CHRNB1: variants seen among roughly 807,000 people sequenced by gnomAD.
The protein encoded by CHRNB1 is cholinergic receptor nicotinic beta 1 subunit.
CHRNB1 carries 47 observed loss-of-function variants against 53.8 expected under a neutral mutation model. The ratio of observed to expected loss-of-function variants is 0.87; its 90% CI spans 0.69 to 1.11. The LOEUF (loss-of-function observed/expected upper bound fraction) is 1.11. CHRNB1 is among the 50% of genes most tolerant of loss of function. CHRNB1 has a pLI of 0.00. For missense variants in CHRNB1, 605 were observed against 654.9 expected (o/e 0.92, Z 0.83); for synonymous variants, 259 against 263.5 (o/e 0.98, Z 0.16).
chr17:7,446,343 G>GTGTC, intron 3 of CHRNB1: 1 of 494,792 alleles, frequency 2.0e-6, no homozygotes, highest in Non-Finnish European at 3.7e-6. Context: ...GTGTGTGTGT[G>GTGTC]TGTGTGTGTG....
At position 7,456,928 on chromosome 17, in the gene CHRNB1, T is replaced by A. The variant is rs2069958611; in HGVS notation, c.*205T>A. Reference sequence around the variant, plus strand: ...ATGCAGTATCATCTGATTTACTCTTTGGGATCTTGAAGAAGCTCTTTTGGG... The same window carrying A: ...ATGCAGTATCATCTGATTTACTCTTAGGGATCTTGAAGAAGCTCTTTTGGG... On this transcript the variant is annotated 3_prime_UTR_variant, in exon 11 of 11. Transcript: ENST00000306071. 1 of 630,168 alleles carries A rather than the reference T, an allele frequency of 1.6e-6. No individual in the cohort carries two copies. Among genetic ancestry groups the A allele is most frequent in the South Asian group, 2.0e-5 (1 of 51,250 alleles). 39.0% of individuals were successfully genotyped at this position (630,168 alleles called of 1,614,324 possible).
Position 7,445,392 on chromosome 17 carries a change from G to A in CHRNB1, c.181G>A (p.Ala61Thr). ...RVRVSVGLIL[A>T]QLISLNEKDE... ...CAGGGTCAGCGTTGGTCTCATCCTG[G>A]CGCAACTCATCAGCCTGGTGAGGGC... The change falls in exon 2 of 11, where the codon GCG (alanine) becomes ACG (threonine). Residue 61 changes from alanine to threonine, a missense_variant. Physicochemically the swap from Ala to Thr is moderately conservative, Grantham distance 58 (BLOSUM62 0). Coordinates refer to ENST00000306071, the MANE Select transcript of CHRNB1 (RefSeq NM_000747.3). This position sits in a 1 kb window ranked among gnomAD's most constrained non-coding sequence, Gnocchi z 5.7. 6.2e-7 allele frequency: 1 copy of A among 1,612,272 alleles called. No individual in the cohort carries two copies. Among genetic ancestry groups the A allele is most frequent in the Non-Finnish European group, 8.5e-7 (1 of 1,179,684 alleles).
Position 7,448,581 on chromosome 17 carries a change from A to G in CHRNB1, c.613A>G (p.Asn205Asp), listed in dbSNP as rs1908755453. The change falls in exon 7 of 11, where the codon AAT (asparagine) becomes GAT (aspartate). Residue 205 changes from asparagine (N) to aspartate (D), a missense_variant and splice_region_variant. Coordinates refer to ENST00000306071, the MANE Select transcript of CHRNB1 (RefSeq NM_000747.3). ...IHIHEGTFIE[N>D]GQWEIIHKPS... is the part of the protein sequence containing the mutation. ...CCCCTCCTTCTGCTCATCCCCAGAG[A>G]ATGGCCAGTGGGAGATTATCCACAA... The G allele has an allele frequency of 1.9e-6, 3 of 1,614,048 alleles. No homozygotes were observed. Among genetic ancestry groups the G allele is most frequent in the Non-Finnish European group, 2.5e-6 (3 of 1,179,980 alleles).
chr17:7,454,009 C>T (rs555556774), intron 7 of CHRNB1, among the ~76,000 whole-genome samples: 3 of 152,200 alleles, frequency 2.0e-5, no homozygotes, highest in East Asian at 1.9e-4. Flanking sequence ...TTCAATGAGC[C>T]ATTATCATGC....
chr17:7,449,574 A>AT (rs1039141579), intron 7 of CHRNB1, among the ~76,000 whole-genome samples: 3 of 151,214 alleles, frequency 2.0e-5, no homozygotes, highest in African/African-American at 4.9e-5. Context: ...TGCCCAGCTG[A>AT]TTTTTTTGTA....
At chr17:7,448,124 G>A (rs1181336118) in intron 6 of CHRNB1, among the ~76,000 whole-genome samples, 4 of 130,368 alleles carry the variant, frequency 3.1e-5, no homozygotes, top group Non-Finnish European at 6.3e-5. Flanking sequence ...AGTGGCTCAC[G>A]ACTTAATCTC....
Position 7,445,136 on chromosome 17 carries a change from A to G in CHRNB1, c.9A>G (p.Pro3=), listed in dbSNP as rs1481997291. 6.2e-7 allele frequency: 1 copy of G among 1,608,890 alleles called. No homozygotes were observed. Among genetic ancestry groups the G allele is most frequent in the Admixed American group, 1.7e-5 (1 of 59,912 alleles). The part of the protein sequence containing the change: MT[P]GALLMLLGAL... ...GAGCGAGCCGCCAGGCTATGACCCC[A>G]GGGGCTCTGCTGATGCTGCTGGGGG... The change falls in exon 1 of 11, where the codon CCA becomes CCG. Residue 3 remains proline, a synonymous_variant. Transcript: ENST00000306071. The surrounding 1 kb of genome is among the most constrained non-coding windows in gnomAD (Gnocchi z 5.7).
intron 7 of CHRNB1, among the ~76,000 whole-genome samples, chr17:7,453,582 C>CTTTTT (rs71157287): frequency 1.0e-3 from 98 of 95,978 alleles, no homozygotes; most frequent in East Asian, 2.0e-3. Context: ...AAAAGCCTGT[C>CTTTTT]TTTTTTTTTT....
intron 7 of CHRNB1, among the ~76,000 whole-genome samples, chr17:7,453,803 G>A (rs1406213575): frequency 6.6e-6 from 1 of 151,350 alleles, no homozygotes; most frequent in African/African-American, 2.4e-5. Flanking sequence ...GCTCACGCCT[G>A]TAATCCCAAC....
At chr17:7,451,277 T>TC (rs1373937878) in intron 7 of CHRNB1, among the ~76,000 whole-genome samples, 1 of 134,948 alleles carries the variant, frequency 7.4e-6, no homozygotes, top group Non-Finnish European at 1.6e-5. Flanking sequence ...TTCTTTTCTT[T>TC]TTTTTTTTTT....
intron 7 of CHRNB1, among the ~76,000 whole-genome samples, chr17:7,453,269 C>G (rs904923525): frequency 9.9e-5 from 15 of 152,080 alleles, no homozygotes; most frequent in African/African-American, 3.6e-4. Context: ...AGGCACCCAC[C>G]ACCATGCCCA....
At chr17:7,452,099 A>G (rs1908912911) in intron 7 of CHRNB1, among the ~76,000 whole-genome samples, 1 of 145,826 alleles carries the variant, frequency 6.9e-6, no homozygotes, top group Non-Finnish European at 1.5e-5. Flanking sequence ...TCTGTCACCC[A>G]GGCTGGAGTG....
In CHRNB1 at chr17:7,456,754, C is replaced by T. The variant is rs75282248; in HGVS notation, c.*31C>T. The stretch of plus-strand genomic sequence containing the variant: ...GGAGGGTTGAGACCCAGGCCCCCTG[C>T]CAGTTGAAGTGAGAGTTTGGTGATA... On this transcript the variant is annotated 3_prime_UTR_variant, in exon 11 of 11. Coordinates refer to ENST00000306071, the MANE Select transcript of CHRNB1 (RefSeq NM_000747.3). The T allele has an allele frequency of 1.5e-3, 2,473 of 1,613,950 alleles. 4 individuals are homozygous for T. The highest frequency in any genetic ancestry group is 6.6e-3 in the Middle Eastern group (40 of 6,062).
chr17:7,452,502 T>A (rs763253494), intron 7 of CHRNB1, among the ~76,000 whole-genome samples: 7 of 152,144 alleles, frequency 4.6e-5, no homozygotes, highest in African/African-American at 9.7e-5. Flanking sequence ...GGTGGTGATG[T>A]AGGAGGTGGG....
Position 7,454,423 on chromosome 17 carries a change from T to C in CHRNB1, c.947T>C (p.Met316Thr), listed in dbSNP as rs763839239. The C allele has an allele frequency of 8.1e-6, 13 of 1,614,140 alleles. No individual in the cohort carries two copies. In the South Asian group the frequency reaches 1.3e-4, roughly 16 times the overall value. The change falls in exon 8 of 11, where the codon ATG becomes ACG. Residue 316 changes from methionine to threonine, a missense_variant. By Grantham distance (81) the Met-to-Thr change is moderately conservative. Transcript: ENST00000306071. The part of the protein sequence containing the change: ...PIIIKYLMFT[M>T]VLVTFSVILS... ...ATTATCAAGTACCTCATGTTTACCATGGTCCTCGTCACCTTCTCAGTCATC... is the reference window on the plus strand; with the variant it reads ...ATTATCAAGTACCTCATGTTTACCACGGTCCTCGTCACCTTCTCAGTCATC...
At position 7,445,559 on chromosome 17, in the gene CHRNB1, C is replaced by T; in HGVS notation, c.198+150C>T. The T allele has an allele frequency of 6.7e-7, 1 of 1,503,290 alleles. No individual in the cohort carries two copies. The allele number at this position is 1,503,290 out of a possible 1,614,324, so 93.1% of individuals were successfully genotyped here. A position where few individuals can be genotyped will look rare whatever the true frequency, so the allele number is the denominator to read the frequency against. On this transcript the variant is annotated intron_variant, in intron 2 of 10. Transcript: ENST00000306071. The surrounding 1 kb of genome is among the most constrained non-coding windows in gnomAD (Gnocchi z 5.7). ...CCTTTGGTGAAGATTGGATCGAAAT[C>T]AGACCAATGGACAAGCTCTGGCCGT...
Position 7,449,402 on chromosome 17 carries a change from CTT to C in CHRNB1, c.820+636_820+637del, listed in dbSNP as rs769505757. ...ACAGTCGTGAGCCACAGGGCCCGAC[CTT>C]TTTTTTTTTTTTTTTTTTTTTGAGA... On this transcript the variant is annotated intron_variant, in intron 7 of 10. Coordinates refer to ENST00000306071, the MANE Select transcript of CHRNB1 (RefSeq NM_000747.3). Among the ~76,000 whole-genome samples, 526 of 89,058 alleles carry C rather than the reference CTT, an allele frequency of 5.9e-3. 1 individual carries two copies. Among genetic ancestry groups the C allele is most frequent in the African/African-American group, 0.024 (482 of 20,156 alleles). 58.4% of individuals were successfully genotyped at this position (89,058 alleles called of 152,430 possible). A position where few individuals can be genotyped will look rare whatever the true frequency, so the allele number is the denominator to read the frequency against.
intron 7 of CHRNB1, among the ~76,000 whole-genome samples, chr17:7,450,994 A>G (rs1178632605): frequency 2.0e-5 from 3 of 152,190 alleles, no homozygotes; most frequent in Non-Finnish European, 4.4e-5. Context: ...GGAGTACTCA[A>G]GAAACAGAAA....
At position 7,456,957 on chromosome 17, in the gene CHRNB1, C is replaced by CA. The variant is rs1273626380; in HGVS notation, c.*236dup. Reference sequence around the variant, plus strand: ...ATCTTGAAGAAGCTCTTTTGGGTATCAACACCTAGGTCGCCAGTGAAATAG... The same window carrying CA: ...ATCTTGAAGAAGCTCTTTTGGGTATCAAACACCTAGGTCGCCAGTGAAATAG... On this transcript the variant is annotated 3_prime_UTR_variant, in exon 11 of 11. Coordinates refer to ENST00000306071, the MANE Select transcript of CHRNB1 (RefSeq NM_000747.3). The CA allele has an allele frequency of 1.8e-6, 1 of 569,022 alleles. No individual in the cohort carries two copies. The highest frequency in any genetic ancestry group is 3.1e-6 in the Non-Finnish European group (1 of 319,160). 35.2% of individuals were successfully genotyped at this position (569,022 alleles called of 1,614,324 possible). A position where few individuals can be genotyped will look rare whatever the true frequency, so the allele number is the denominator to read the frequency against.
Sources: allele counts gnomAD v4.1 joint callset (sites outside exome capture counted in the v4.1 genomes callset), GRCh38; gene constraint gnomAD v4.1.1; non-coding constraint Gnocchi (gnomAD v3.1); transcripts MANE v1.5; gene names NCBI Gene and HGNC (gene_info 2026-07-23, HGNC 2026-07-21).